The following REG1A variants were observed in gnomAD, a reference collection of about 807,000 sequenced individuals.
REG1A encodes the protein lithostathine-1-alpha.
A neutral mutation model predicts 20.7 loss-of-function variants in REG1A; 20 were observed. The ratio of observed to expected loss-of-function variants is 0.97; its 90% CI spans 0.68 to 1.41. REG1A has a LOEUF of 1.41. REG1A is among the 40% of genes most tolerant of loss of function. The pLI, the probability that REG1A is intolerant of heterozygous loss-of-function variation, is 0.00. For missense variants in REG1A, 193 were observed against 201.8 expected (o/e 0.96, Z 0.26); for synonymous variants, 90 against 71.6 (o/e 1.26, Z -1.30).
chr2:79,122,270 T>C, intron 4 of REG1A, 145 bp downstream of exon 4: 2 of 790,274 alleles, frequency 2.5e-6, no homozygotes, highest in Non-Finnish European at 3.9e-6. Flanking sequence ...TGTAGCAAGG[T>C]GCACTGTAGA....
At chr2:79,121,443 G>T in intron 2 of REG1A, 119 bp from the exon 3 acceptor site, 1 of 788,288 alleles carries the variant, frequency 1.3e-6, no homozygotes, top group Non-Finnish European at 2.2e-6. Flanking sequence ...ATAGTGAGCA[G>T]TCATCCCATA....
In REG1A at chr2:79,120,926, G is replaced by T; in HGVS notation, c.64+1G>T. 1 of 1,612,036 alleles carries T rather than the reference G, an allele frequency of 6.2e-7. No individual in the cohort carries two copies. Among genetic ancestry groups the T allele is most frequent in the East Asian group, 2.2e-5 (1 of 44,780 alleles). ...CTGATGTTTCTGTCTCAGAGCCAAG[G>T]TAAGATCTCTTTTCCACCAACCAAC... On this transcript the variant is annotated splice_donor_variant, in intron 2 of 5. Transcript: ENST00000233735. LOFTEE classifies it high-confidence loss of function.
In REG1A at chr2:79,121,577, C is replaced by G. The variant is rs760105264; in HGVS notation, c.80C>G (p.Thr27Arg). The G allele has an allele frequency of 1.4e-5, 23 of 1,613,960 alleles. No homozygotes were observed. Among genetic ancestry groups the G allele is most frequent in the Admixed American group, 6.7e-5 (4 of 60,004 alleles). ...TCTTTTTCAGGCCAAGAGGCCCAGA[C>G]AGAGTTGCCCCAGGCCCGGATCAGC... is the stretch of plus-strand genomic sequence containing the variant. Reference protein sequence around the residue: ...LSQSQGQEAQTELPQARISCP... With the variant: ...LSQSQGQEAQRELPQARISCP... The change falls in exon 3 of 6, where the codon ACA (threonine) becomes AGA (arginine). Residue 27 changes from threonine (T) to arginine (R), a missense_variant. By Grantham distance (71) the Thr-to-Arg change is moderately conservative (BLOSUM62 -1). Coordinates refer to ENST00000233735, the MANE Select transcript of REG1A (RefSeq NM_002909.5).
At chr2:79,121,933 G>A in intron 3 of REG1A, 55 bp from the exon 4 acceptor site, 1 of 1,603,630 alleles carries the variant, frequency 6.2e-7, no homozygotes, top group East Asian at 2.2e-5. Context: ...GGAGGACTCA[G>A]TATATCCGTC....
intron 2 of REG1A, among the ~76,000 whole-genome samples, 171 bp downstream of exon 2, chr2:79,121,096 C>T (rs1377204610): frequency 2.6e-5 from 4 of 151,730 alleles, no homozygotes; most frequent in Non-Finnish European, 5.9e-5. Flanking sequence ...TATACATCCA[C>T]ACCTCATTAA....
At position 79,121,662 on chromosome 2, in the gene REG1A, G is replaced by C. The variant is rs1348385624; in HGVS notation, c.165G>C (p.Glu55Asp). The C allele has an allele frequency of 1.9e-6, 3 of 1,613,962 alleles. No homozygotes were observed. The highest frequency in any genetic ancestry group is 3.3e-5 in the Admixed American group (2 of 59,994). Residue 55 changes from glutamate (E) to aspartate (D), a missense_variant, in exon 3 of 6, where the codon GAG becomes GAC. Transcript: ENST00000233735. ...GCTACTACTTTAATGAAGACCGTGA[G>C]ACCTGGGTTGATGCAGATGTGAGTG... is the stretch of plus-strand genomic sequence containing the variant. ...SYCYYFNEDR[E>D]TWVDADLYCQ...
At chr2:79,120,537 G>T in intron 1 of REG1A, 23 bp downstream of exon 1, 1 of 249,726 alleles carries the variant, frequency 4.0e-6, no homozygotes, top group Non-Finnish European at 7.6e-6. Context: ...TACAGGAGAA[G>T]GGCGTCTCTA....
chr2:79,121,818 A>G (rs758754043), intron 3 of REG1A, 138 bp downstream of exon 3: 4 of 1,324,156 alleles, frequency 3.0e-6, no homozygotes, highest in South Asian at 1.2e-5. Context: ...TTTCCAATCT[A>G]CTTTATCCCA....
At chr2:79,122,160 G>T (rs747834711) in intron 4 of REG1A, 35 bp downstream of exon 4, 7 of 1,602,534 alleles carry the variant, frequency 4.4e-6, no homozygotes, top group African/African-American at 2.7e-5. Flanking sequence ...CTAATGATCA[G>T]GTTTGAGAAG....
rs746890007 is a variant in REG1A, at chr2:79,121,617, C to A, written c.120C>A (p.Thr40=). 7 of 1,614,082 alleles carry A rather than the reference C, an allele frequency of 4.3e-6. No individual in the cohort carries two copies. The highest frequency in any genetic ancestry group is 5.1e-6 in the Non-Finnish European group (6 of 1,180,010). Residue 40 remains threonine, a synonymous_variant, in exon 3 of 6, where the codon ACC becomes ACA. Coordinates refer to ENST00000233735, the MANE Select transcript of REG1A (RefSeq NM_002909.5). ...PQARISCPEG[T]NAYRSYCYYF... ...CCCGGATCAGCTGCCCAGAAGGCACCAATGCCTATCGCTCCTACTGCTACT... is the reference window on the plus strand; with the variant it reads ...CCCGGATCAGCTGCCCAGAAGGCACAAATGCCTATCGCTCCTACTGCTACT...
At chr2:79,123,008 G>C in intron 5 of REG1A, 56 bp downstream of exon 5, 3 of 1,510,832 alleles carry the variant, frequency 2.0e-6, no homozygotes, top group Non-Finnish European at 2.8e-6. Flanking sequence ...TAGCTCCAGG[G>C]ATGGAACTGG....
At chr2:79,120,738 TGA>T in intron 1 of REG1A, 76 bp from the exon 2 acceptor site, 1 of 620,062 alleles carries the variant, frequency 1.6e-6, no homozygotes, top group Non-Finnish European at 2.6e-6. Context: ...TCAGAAATTC[TGA>T]GAGGAGGTTT....
At chr2:79,121,836 G>C in intron 3 of REG1A, 152 bp from the exon 4 acceptor site, 1 of 1,343,878 alleles carries the variant, frequency 7.4e-7, no homozygotes. Flanking sequence ...CCATTATTCA[G>C]CACATTCCCA....
At chr2:79,121,752 A>G (rs1339847761) in intron 3 of REG1A, 72 bp downstream of exon 3, 11 of 1,454,824 alleles carry the variant, frequency 7.6e-6, no homozygotes, top group African/African-American at 1.4e-5. Context: ...CAGTGTGTTC[A>G]GTGGCTGCAA....
At chr2:79,122,250 T>C (rs1255652858) in intron 4 of REG1A, 125 bp downstream of exon 4, 1 of 982,366 alleles carries the variant, frequency 1.0e-6, no homozygotes, top group African/African-American at 1.6e-5. Flanking sequence ...ACAGATCCTC[T>C]AATGTCCTGT....
Position 79,122,938 on chromosome 2 carries a change from T to C in REG1A, c.419T>C (p.Leu140Pro). ...SSVNPGYCVS[L>P]TSSTGFQKWK... The stretch of plus-strand genomic sequence containing the variant: ...GTTAATCCTGGCTACTGTGTGAGCC[T>C]GACCTCAAGCACAGGTGAGAGGCAG... The change falls in exon 5 of 6, where the codon CTG becomes CCG. Residue 140 changes from leucine to proline, a missense_variant. Coordinates refer to ENST00000233735, the MANE Select transcript of REG1A (RefSeq NM_002909.5). The C allele has an allele frequency of 6.2e-7, 1 of 1,613,518 alleles. No homozygotes were observed.
intron 2 of REG1A, 55 bp downstream of exon 2, chr2:79,120,980 T>C: frequency 7.4e-7 from 1 of 1,348,224 alleles, no homozygotes; most frequent in Non-Finnish European, 1.0e-6. Flanking sequence ...CTTCACTCTA[T>C]CCCCAAGCAT....
At chr2:79,122,365 G>A (rs1672900427) in intron 4 of REG1A, among the ~76,000 whole-genome samples, 1 of 152,120 alleles carries the variant, frequency 6.6e-6, no homozygotes, top group Non-Finnish European at 1.5e-5. Context: ...AGTCAACAAA[G>A]CATCTTTATG....
At chr2:79,122,694 A>C in intron 4 of REG1A, 147 bp from the exon 5 acceptor site, 1 of 651,166 alleles carries the variant, frequency 1.5e-6, no homozygotes, top group Non-Finnish European at 2.8e-6. Flanking sequence ...AAAGAAGTTT[A>C]GAGCAATAGC....
Sources: gnomAD v4.1 joint callset for allele counts (sites outside exome capture counted in the v4.1 genomes callset) on GRCh38, gnomAD v4.1.1 for gene constraint, MANE v1.5 for transcripts, NCBI Gene and HGNC (gene_info 2026-07-23, HGNC 2026-07-21) for gene names.